XPO5: variants seen among roughly 807,000 people sequenced by gnomAD.
XPO5 encodes exportin 5, also known as exportin-5.
Under a neutral mutation model 160.6 loss-of-function variants are expected in XPO5, and 46 were observed. The observed-to-expected ratio is 0.29, with a 90% CI of 0.23 to 0.37. XPO5 has a LOEUF of 0.37. XPO5 is among the 10% of genes least tolerant of loss of function. XPO5 has a pLI of 1.00. For synonymous variants in XPO5, 537 were observed against 519.3 expected (o/e 1.03, Z -0.46); for missense variants, 1,090 against 1,463.9 (o/e 0.74, Z 4.17).
rs576617031 is a variant in XPO5 at position 43,567,443 on chromosome 6, C to T, written c.649-89G>A. On this transcript the variant is annotated intron_variant, in intron 6 of 31. Transcript: ENST00000265351. Reference sequence around the variant, plus strand: ...ATAACTGAACTCCCATTTTCTAATTCTAAGAAAATTATTTTTTAAGAATAT... The same window carrying T: ...ATAACTGAACTCCCATTTTCTAATTTTAAGAAAATTATTTTTTAAGAATAT... The T allele has an allele frequency of 2.1e-4, 261 of 1,215,672 alleles. 1 individual carries two copies. The highest frequency in any genetic ancestry group is 2.0e-4 in the Non-Finnish European group (181 of 897,580). 75.3% of individuals were successfully genotyped at this position (1,215,672 alleles called of 1,614,324 possible).
Position 43,523,985 on chromosome 6 carries a change from G to T in XPO5, c.3498C>A (p.Phe1166Leu), listed in dbSNP as rs1227524993. 7 of 1,613,396 alleles carry T rather than the reference G, an allele frequency of 4.3e-6. No homozygotes were observed. The highest frequency in any genetic ancestry group is 5.9e-6 in the Non-Finnish European group (7 of 1,179,900). The change falls in exon 32 of 32, where the codon TTC becomes TTA. Residue 1166 changes from phenylalanine (F) to leucine (L), a missense_variant. Physicochemically the swap from Phe to Leu is conservative, Grantham distance 22. Around this residue, in one of 3 missense-constraint regions of XPO5, gnomAD observed 810 missense variants for 1,139.0 expected, o/e 0.71. Coordinates refer to ENST00000265351, the MANE Select transcript of XPO5 (RefSeq NM_020750.3). Reference sequence around the variant, plus strand: ...GATTCTTAATGTGAACTTCTTTTCGGAACTGCTCTCCCAAGGGTTTCTGTG... The same window carrying T: ...GATTCTTAATGTGAACTTCTTTTCGTAACTGCTCTCCCAAGGGTTTCTGTG... ...GCIGKPLGEQ[F>L]RKEVHIKNLP...
chr6:43,556,470 G>C (rs1357051394), intron 12 of XPO5, among the ~76,000 whole-genome samples: 1 of 149,860 alleles, frequency 6.7e-6, no homozygotes, highest in Non-Finnish European at 1.5e-5. Flanking sequence ...AGATTGTAGT[G>C]AGCCATGATC....
At chr6:43,548,557 C>G in intron 17 of XPO5, 97 bp from the exon 18 acceptor site, 2 of 1,151,626 alleles carry the variant, frequency 1.7e-6, no homozygotes, top group Non-Finnish European at 2.3e-6. Flanking sequence ...CCAAAGCAGT[C>G]CCAGGAAAGT....
At chr6:43,562,169 C>G (rs1036965746) in intron 9 of XPO5, 78 bp downstream of exon 9, 3 of 1,134,636 alleles carry the variant, frequency 2.6e-6, no homozygotes, top group East Asian at 2.6e-5. Context: ...ACATTTGCAA[C>G]CCCTCATTGA....
intron 20 of XPO5, chr6:43,539,698 C>T (rs551014983): frequency 5.0e-5 from 37 of 738,194 alleles, no homozygotes; most frequent in African/African-American, 2.0e-4. Flanking sequence ...CGGCGTCATC[C>T]GCCATTTGGT....
intron 24 of XPO5, 130 bp from the exon 25 acceptor site, chr6:43,528,335 AG>A (rs1793728039): frequency 1.2e-6 from 1 of 845,300 alleles, no homozygotes; most frequent in Non-Finnish European, 1.9e-6. Context: ...CAACTTCTGT[AG>A]ACTCCACACC....
chr6:43,528,224 A>T lies in XPO5; in HGVS notation c.2776-19T>A. On this transcript the variant is annotated intron_variant, in intron 24 of 31. Coordinates refer to ENST00000265351, the MANE Select transcript of XPO5 (RefSeq NM_020750.3). ...AAAGCCTCTGGGAAAACACAAAGGAAATAAATGCTAGAATTGGGGAAAGGA... is the reference window on the plus strand; with the variant it reads ...AAAGCCTCTGGGAAAACACAAAGGATATAAATGCTAGAATTGGGGAAAGGA... 6.3e-7 allele frequency: 1 copy of T among 1,580,576 alleles called. No homozygotes were observed. Among genetic ancestry groups the T allele is most frequent in the Non-Finnish European group, 8.6e-7 (1 of 1,162,174 alleles).
intron 21 of XPO5, among the ~76,000 whole-genome samples, chr6:43,532,934 C>G (rs1366345764): frequency 1.3e-5 from 2 of 152,162 alleles, no homozygotes; most frequent in African/African-American, 4.8e-5. Flanking sequence ...CACTTGAGGT[C>G]ATGAGTTCGA....
At chr6:43,545,941 T>G (rs1311780831) in intron 20 of XPO5, among the ~76,000 whole-genome samples, 2 of 152,186 alleles carry the variant, frequency 1.3e-5, no homozygotes, top group African/African-American at 4.8e-5. Context: ...TATAAACCAC[T>G]GGGCATCTAG....
At chr6:43,554,578 C>T (rs1256382620) in intron 13 of XPO5, among the ~76,000 whole-genome samples, 1 of 151,956 alleles carries the variant, frequency 6.6e-6, no homozygotes, top group Non-Finnish European at 1.5e-5. Flanking sequence ...GGGCCCACCA[C>T]CACGCCTGGC....
At chr6:43,545,261 C>A (rs1390985006) in intron 20 of XPO5, among the ~76,000 whole-genome samples, 1 of 152,186 alleles carries the variant, frequency 6.6e-6, no homozygotes, top group African/African-American at 2.4e-5. Context: ...AACTTAAAAT[C>A]TTTGGTTCTC....
At chr6:43,548,171 T>A (rs1183075624) in intron 18 of XPO5, 90 bp downstream of exon 18, 5 of 1,296,420 alleles carry the variant, frequency 3.9e-6, no homozygotes, top group Middle Eastern at 2.9e-4. Flanking sequence ...CACTTCAATA[T>A]CCTTAACCCC....
intron 17 of XPO5, 76 bp downstream of exon 17, chr6:43,549,413 T>G: frequency 1.4e-6 from 2 of 1,402,466 alleles, no homozygotes; most frequent in Non-Finnish European, 1.9e-6. Flanking sequence ...TTTCTTTATG[T>G]GAGGTACACT....
chr6:43,525,827 CCTT>C lies in XPO5; in HGVS notation c.3066+9_3066+11del. 6.2e-7 allele frequency: 1 copy of C among 1,613,894 alleles called. No individual in the cohort carries two copies. Among genetic ancestry groups the C allele is most frequent in the Non-Finnish European group, 8.5e-7 (1 of 1,179,826 alleles). ...GCAAGGAGTAAAGGTATCACCTGCT[CCTT>C]CTACCCACCTCATGCTTCATCAGAC... is the stretch of plus-strand genomic sequence containing the variant. On this transcript the variant is annotated intron_variant, in intron 28 of 31. Transcript: ENST00000265351.
chr6:43,569,386 T>C lies in XPO5; in HGVS notation c.622-649A>G, dbSNP rs114391540. On this transcript the variant is annotated intron_variant, in intron 5 of 31. Coordinates refer to ENST00000265351, the MANE Select transcript of XPO5 (RefSeq NM_020750.3). ...TCAGTGAATATACAAATATGGTTGA[T>C]TTTTATCCTTATATTTCAAATCCAT... Among the ~76,000 whole-genome samples the C allele has an allele frequency of 6.5e-3, 982 of 151,766 alleles. 9 individuals carry two copies. The highest frequency in any genetic ancestry group is 0.022 in the African/African-American group (901 of 41,394).
intron 20 of XPO5, chr6:43,539,513 G>C: frequency 2.6e-6 from 4 of 1,554,712 alleles, no homozygotes; most frequent in Non-Finnish European, 3.5e-6. Context: ...GCCCAGCTTG[G>C]TGACGGGCAT....
rs1412106978 is a variant in XPO5, at chr6:43,549,535, C to T, written c.1814G>A (p.Cys605Tyr). ...RAVRNVRRHA[C>Y]SSIIKMCRDY... ...ACGACACATCTTGATGATGGAGGAA[C>T]AAGCATGCCTCCTCACATTCCTCAC... Residue 605 changes from cysteine (C) to tyrosine (Y), a missense_variant, in exon 17 of 32, where the codon TGT becomes TAT. Coordinates refer to ENST00000265351, the MANE Select transcript of XPO5 (RefSeq NM_020750.3). 2 of 1,613,264 alleles carry T rather than the reference C, an allele frequency of 1.2e-6. No homozygotes were observed. Among genetic ancestry groups the T allele is most frequent in the Admixed American group, 1.7e-5 (1 of 59,924 alleles).
intron 12 of XPO5, 193 bp from the exon 13 acceptor site, chr6:43,556,157 T>G: frequency 3.1e-6 from 2 of 655,410 alleles, no homozygotes; most frequent in Non-Finnish European, 4.8e-6. Flanking sequence ...ATAAATGATC[T>G]CTGGAAACTG....
chr6:43,564,437 G>A (rs1489524347), intron 8 of XPO5, among the ~76,000 whole-genome samples: 1 of 151,862 alleles, frequency 6.6e-6, no homozygotes, highest in African/African-American at 2.4e-5. Context: ...GGTGAGGCAG[G>A]AGAATCGCTT....
Sources: allele counts gnomAD v4.1 joint callset (sites outside exome capture counted in the v4.1 genomes callset), GRCh38; gene constraint gnomAD v4.1.1; regional missense constraint gnomAD v4.1.1; transcripts MANE v1.5; gene names NCBI Gene and HGNC (gene_info 2026-07-23, HGNC 2026-07-21).